The following ITCH variants were observed in gnomAD, a reference collection of about 807,000 sequenced individuals.
ITCH encodes E3 ubiquitin-protein ligase Itchy homolog.
A neutral mutation model predicts 126.8 loss-of-function variants in ITCH; 28 were observed. The observed-to-expected ratio is 0.22, with a 90% confidence interval of 0.16 to 0.30. ITCH has a LOEUF of 0.30. Among genes scored for constraint, ITCH ranks in the 10% least tolerant of loss-of-function variants. The pLI is 1.00. For missense variants in ITCH, 631 were observed against 1,032.4 expected (o/e 0.61, Z 5.33); for synonymous variants, 342 against 340.0 (o/e 1.01, Z -0.06).
rs540033639 is a variant in ITCH, at chr20:34,397,663, T to C, written c.70+3782T>C. Among the ~76,000 whole-genome samples the C allele has an allele frequency of 9.2e-5, 14 of 152,340 alleles. No individual in the cohort carries two copies. In the South Asian group the frequency reaches 2.3e-3, roughly 25 times the overall value. On this transcript the variant is annotated intron_variant, in intron 3 of 24. Coordinates refer to ENST00000374864, the MANE Select transcript of ITCH (RefSeq NM_031483.7). ...TTTCCTTCACTAACTCTGGTATCTT[T>C]CCTTAGCAGTATCTGTTTCTTAAAG...
chr20:34,479,794 G>A lies in ITCH; in HGVS notation c.1818+5G>A, dbSNP rs1885968188. On this transcript the variant is annotated splice_donor_5th_base_variant and intron_variant, in intron 18 of 24. Coordinates refer to ENST00000374864, the MANE Select transcript of ITCH (RefSeq NM_031483.7). The stretch of plus-strand genomic sequence containing the variant: ...ATTGGCAGATTTATTGCCATGGTAA[G>A]TGCAGGTCAAGAATTATGTTTACTT... 6.2e-7 allele frequency: 1 copy of A among 1,612,416 alleles called. No individual in the cohort carries two copies. Among genetic ancestry groups the A allele is most frequent in the Admixed American group, 1.7e-5 (1 of 60,000 alleles).
At chr20:34,488,784 T>C (rs1015941833) in intron 20 of ITCH, among the ~76,000 whole-genome samples, 2 of 152,174 alleles carry the variant, frequency 1.3e-5, no homozygotes, top group Non-Finnish European at 2.9e-5. Flanking sequence ...ACGCTTGTAA[T>C]CGTAGCACTT....
chr20:34,464,306 T>TTTTC (rs1247103971), intron 14 of ITCH, among the ~76,000 whole-genome samples: 5 of 151,002 alleles, frequency 3.3e-5, no homozygotes, highest in Non-Finnish European at 7.4e-5. Flanking sequence ...CTTTTTTTTT[T>TTTTC]TTTCTTTCTT....
Position 34,451,423 on chromosome 20 carries a change from G to A in ITCH, c.1210+1943G>A, listed in dbSNP as rs529501110. On this transcript the variant is annotated intron_variant, in intron 12 of 24. Transcript: ENST00000374864. ...TTCAGAGAGTCGAGATCACACTATTGCACTCCAGCCCGGGTGAGAGAGCAA... is the reference window on the plus strand; with the variant it reads ...TTCAGAGAGTCGAGATCACACTATTACACTCCAGCCCGGGTGAGAGAGCAA... Among the ~76,000 whole-genome samples, 8 of 152,070 alleles carry A rather than the reference G, an allele frequency of 5.3e-5. No individual in the cohort carries two copies. The East Asian group carries it at 1.6e-3, about 30-fold the overall frequency.
At chr20:34,437,480 A>AT (rs916378622) in intron 7 of ITCH, among the ~76,000 whole-genome samples, 17 of 152,058 alleles carry the variant, frequency 1.1e-4, no homozygotes, top group Non-Finnish European at 2.1e-4. Context: ...TACTTTTTAA[A>AT]TTTTTTTGTA....
At chr20:34,399,159 G>A (rs569343665) in intron 3 of ITCH, among the ~76,000 whole-genome samples, 31 of 152,280 alleles carry the variant, frequency 2.0e-4, no homozygotes, top group East Asian at 7.7e-4. Flanking sequence ...TTGGGAGGCC[G>A]AGGTGGGCGG....
intron 17 of ITCH, among the ~76,000 whole-genome samples, chr20:34,478,785 CATAG>C (rs1366706161): frequency 2.6e-5 from 4 of 151,848 alleles, no homozygotes; most frequent in Admixed American, 2.6e-4. Context: ...ATGATATAAT[CATAG>C]ATAAATAACA....
chr20:34,508,281 A>C lies in ITCH; in HGVS notation c.*487A>C, dbSNP rs1399499929. ...AATTCGGGCTTGTGTTCTCCCTCTC[A>C]TTTTAGTCTGACTTGACTATTGTTT... On this transcript the variant is annotated 3_prime_UTR_variant, in exon 25 of 25. Coordinates refer to ENST00000374864, the MANE Select transcript of ITCH (RefSeq NM_031483.7). 1.1e-5 allele frequency: 2 copies of C among 181,262 alleles called. No homozygotes were observed. Among genetic ancestry groups the C allele is most frequent in the Non-Finnish European group, 2.4e-5 (2 of 83,990 alleles). The allele number at this position is 181,262 out of a possible 1,614,324, so 11.2% of individuals were successfully genotyped here.
Position 34,369,460 on chromosome 20 carries a change from G to T in ITCH, c.-32G>T. ...AACCCAAGGAAGTGACTCAAACTGT[G>T]AGAACTTCAGGTATGGTGTCATCCT... On this transcript the variant is annotated 5_prime_UTR_variant, in exon 2 of 25. Coordinates refer to ENST00000374864, the MANE Select transcript of ITCH (RefSeq NM_031483.7). 1 of 399,074 alleles carries T rather than the reference G, an allele frequency of 2.5e-6. No homozygotes were observed. The highest frequency in any genetic ancestry group is 1.3e-4 in the South Asian group (1 of 7,844). The allele number at this position is 399,074 out of a possible 1,614,324, so 24.7% of individuals were successfully genotyped here. A position where few individuals can be genotyped will look rare whatever the true frequency, so the allele number is the denominator to read the frequency against.
At chr20:34,401,793 A>T (rs191692375) in intron 3 of ITCH, 1 of 203,920 alleles carries the variant, frequency 4.9e-6, no homozygotes, top group African/African-American at 2.4e-5. Flanking sequence ...GATGTCCCAG[A>T]GTGGAATCAG....
intron 3 of ITCH, among the ~76,000 whole-genome samples, chr20:34,395,785 T>C (rs147458780): frequency 6.6e-5 from 10 of 152,272 alleles, no homozygotes; most frequent in African/African-American, 1.4e-4. Context: ...ACTTAATTCC[T>C]TTTTTTGCTA....
At chr20:34,471,673 G>GGTGTGTGTGTGTGTGTGTGTGT (rs10606931) in intron 16 of ITCH, among the ~76,000 whole-genome samples, 158 bp downstream of exon 16, 3 of 69,326 alleles carry the variant, frequency 4.3e-5, no homozygotes, top group African/African-American at 1.6e-4. Flanking sequence ...GGGCTTAAGG[G>GGTGTGTGTGTGTGTGTGTGTGT]GTGTGTGTGT....
At chr20:34,408,908 TTC>T in intron 4 of ITCH, 116 bp downstream of exon 4, 2 of 1,069,264 alleles carry the variant, frequency 1.9e-6, no homozygotes, top group Non-Finnish European at 2.7e-6. Context: ...CCTTTCTCTC[TTC>T]TTTTTTTTTT....
At chr20:34,389,545 A>G (rs1353127316) in intron 2 of ITCH, among the ~76,000 whole-genome samples, 1 of 152,144 alleles carries the variant, frequency 6.6e-6, no homozygotes, top group East Asian at 1.9e-4. Flanking sequence ...AGGGTGAAAA[A>G]GATTAACTGT....
intron 12 of ITCH, among the ~76,000 whole-genome samples, chr20:34,456,477 T>A (rs1473247698): frequency 6.7e-6 from 1 of 149,438 alleles, no homozygotes; most frequent in Non-Finnish European, 1.5e-5. Flanking sequence ...ACAGAATGGA[T>A]TCAAACTTTT....
At chr20:34,477,933 T>C (rs1988387246) in intron 17 of ITCH, 73 bp downstream of exon 17, 2 of 1,587,886 alleles carry the variant, frequency 1.3e-6, no homozygotes, top group African/African-American at 2.7e-5. Flanking sequence ...CTTGCAAGTA[T>C]TATTTTCTCA....
intron 11 of ITCH, among the ~76,000 whole-genome samples, chr20:34,446,172 A>G (rs1984433936): frequency 6.6e-6 from 1 of 152,192 alleles, no homozygotes; most frequent in Admixed American, 6.5e-5. Context: ...GGAAAAGGAA[A>G]ATAATCCATT....
intron 20 of ITCH, among the ~76,000 whole-genome samples, chr20:34,487,016 T>TTG (rs1307004284): frequency 2.0e-5 from 3 of 147,588 alleles, no homozygotes; most frequent in Non-Finnish European, 3.0e-5. Flanking sequence ...TGTTAGGTTT[T>TTG]TTTTTTTTTT....
chr20:34,445,240 A>T, intron 10 of ITCH, 47 bp from the exon 11 acceptor site: 1 of 1,589,604 alleles, frequency 6.3e-7, no homozygotes, highest in East Asian at 2.2e-5. Context: ...CTGTTTCACA[A>T]GTATTTGTTG....
Sources: allele counts gnomAD v4.1 joint callset (sites outside exome capture counted in the v4.1 genomes callset), GRCh38; gene constraint gnomAD v4.1.1; transcripts MANE v1.5; gene names NCBI Gene and HGNC (gene_info 2026-07-23, HGNC 2026-07-21).